ST8SIA1: variants seen among roughly 807,000 people sequenced by gnomAD.
ST8SIA1 encodes ST8 alpha-N-acetyl-neuraminide alpha-2,8-sialyltransferase 1.
ST8SIA1 carries 16 observed loss-of-function variants against 35.9 expected under a neutral mutation model. The ratio of observed to expected loss-of-function variants is 0.45; its 90% CI spans 0.30 to 0.68. The LOEUF is 0.68. Ranked by LOEUF, ST8SIA1 falls within the 30% of genes least tolerant of loss-of-function variation. The probability of loss-of-function intolerance (pLI) is 0.09; values close to 1 mark genes in which losing one functional copy is unlikely to be tolerated. For synonymous variants in ST8SIA1, 170 were observed against 169.6 expected, an observed-to-expected ratio of 1.00 and a Z score of -0.02; for missense variants, 383 against 453.6, an observed-to-expected ratio of 0.84 and a Z score of 1.41.
chr12:22,326,644 C>T (rs906221859), intron 1 of ST8SIA1, among the ~76,000 whole-genome samples: 10 of 152,172 alleles, frequency 6.6e-5, no homozygotes, highest in African/African-American at 2.2e-4. Flanking sequence ...AACAAACTTC[C>T]TATCATCCCA....
Position 22,334,649 on chromosome 12 carries a change from C to G in ST8SIA1, c.-417G>C, listed in dbSNP as rs1430378240. The G allele has an allele frequency of 5.5e-6, 1 of 180,302 alleles. No individual in the cohort carries two copies. Among genetic ancestry groups the G allele is most frequent in the Admixed American group, 5.8e-5 (1 of 17,312 alleles). 11.2% of individuals were successfully genotyped at this position (180,302 alleles called of 1,614,324 possible). ...GTGGCCCGTGGCGTCCCCTTGTCCC[C>G]TCCGAGCGATGCTCCTGCGCCCTTC... On this transcript the variant is annotated 5_prime_UTR_variant, in exon 1 of 5. Coordinates refer to ENST00000396037, the MANE Select transcript of ST8SIA1 (RefSeq NM_003034.4).
Position 22,249,112 on chromosome 12 carries a change from A to G in ST8SIA1, c.492-14T>C. ...GGGAGATTGCATCTAGAGAAACAAG[A>G]ACAAACATTTTGGAACAATTTGCAT... On this transcript the variant is annotated splice_polypyrimidine_tract_variant and intron_variant, in intron 3 of 4. Coordinates refer to ENST00000396037, the MANE Select transcript of ST8SIA1 (RefSeq NM_003034.4). The G allele has an allele frequency of 6.4e-7, 1 of 1,570,242 alleles. No individual in the cohort carries two copies. Among genetic ancestry groups the G allele is most frequent in the Non-Finnish European group, 8.8e-7 (1 of 1,141,052 alleles).
At chr12:22,258,186 A>T (rs778789672) in intron 2 of ST8SIA1, among the ~76,000 whole-genome samples, 1 of 152,172 alleles carries the variant, frequency 6.6e-6, no homozygotes, top group Non-Finnish European at 1.5e-5. Context: ...TGCCTTGAAC[A>T]ACTGTAGAGA....
At chr12:22,227,280 C>A (rs1865370196) in intron 4 of ST8SIA1, among the ~76,000 whole-genome samples, 1 of 151,550 alleles carries the variant, frequency 6.6e-6, no homozygotes, top group Admixed American at 6.6e-5. Context: ...TTCTGTGTTA[C>A]AAAATGTTTT....
chr12:22,232,157 A>T (rs1865428417), intron 4 of ST8SIA1, among the ~76,000 whole-genome samples: 1 of 152,202 alleles, frequency 6.6e-6, no homozygotes, highest in Non-Finnish European at 1.5e-5. Flanking sequence ...TCATGGTTTC[A>T]GCAACACAAA....
At chr12:22,295,058 A>C (rs1180890072) in intron 1 of ST8SIA1, among the ~76,000 whole-genome samples, 2 of 152,200 alleles carry the variant, frequency 1.3e-5, no homozygotes, top group Non-Finnish European at 2.9e-5. Flanking sequence ...ACTGAGGATA[A>C]GGCAGTGAAT....
chr12:22,215,720 T>A (rs1027146473), intron 4 of ST8SIA1, among the ~76,000 whole-genome samples: 1 of 152,220 alleles, frequency 6.6e-6, no homozygotes, highest in South Asian at 2.1e-4. Flanking sequence ...TAAAAACATA[T>A]ATTCTTCCCT....
intron 4 of ST8SIA1, among the ~76,000 whole-genome samples, chr12:22,241,976 A>G (rs987621716): frequency 2.6e-5 from 4 of 152,136 alleles, no homozygotes; most frequent in African/African-American, 9.7e-5. Flanking sequence ...CTCTTTTCCA[A>G]ATTCTATTTC....
intron 1 of ST8SIA1, among the ~76,000 whole-genome samples, chr12:22,321,133 G>T (rs189278344): frequency 3.3e-5 from 5 of 152,250 alleles, no homozygotes; most frequent in African/African-American, 1.2e-4. Context: ...ACCAGGCACT[G>T]CACTCCTGGA....
chr12:22,310,773 T>G (rs933080360), intron 1 of ST8SIA1, among the ~76,000 whole-genome samples: 6 of 152,122 alleles, frequency 3.9e-5, no homozygotes, highest in Admixed American at 2.0e-4. Context: ...TACATTCCTT[T>G]TCCCATAAAA....
At chr12:22,237,222 C>G (rs1363460047) in intron 4 of ST8SIA1, among the ~76,000 whole-genome samples, 2 of 152,100 alleles carry the variant, frequency 1.3e-5, no homozygotes, top group African/African-American at 2.4e-5. Flanking sequence ...TGTCAGCTTC[C>G]TAAGCAACTA....
chr12:22,202,933 G>T (rs1865065647), intron 4 of ST8SIA1, among the ~76,000 whole-genome samples: 1 of 152,146 alleles, frequency 6.6e-6, no homozygotes, highest in African/African-American at 2.4e-5. Context: ...TCCCTAGAAT[G>T]TAGGAGGTGC....
At chr12:22,258,819 G>A (rs1442519977) in intron 2 of ST8SIA1, among the ~76,000 whole-genome samples, 1 of 152,178 alleles carries the variant, frequency 6.6e-6, no homozygotes, top group Non-Finnish European at 1.5e-5. Context: ...GGCAATTCCA[G>A]GTTTTCTGTC....
At chr12:22,314,335 C>T (rs143973621) in intron 1 of ST8SIA1, among the ~76,000 whole-genome samples, 1,638 of 152,226 alleles carry the variant, frequency 0.011, 34 homozygotes, top group African/African-American at 0.038. Context: ...GCCAGTATGC[C>T]TCCTAACACA....
At chr12:22,265,897 A>C (rs887702287) in intron 2 of ST8SIA1, among the ~76,000 whole-genome samples, 2 of 152,120 alleles carry the variant, frequency 1.3e-5, no homozygotes, top group African/African-American at 4.8e-5. Flanking sequence ...TAATAAAAAA[A>C]AAAGTACCAT....
intron 2 of ST8SIA1, among the ~76,000 whole-genome samples, chr12:22,280,826 T>C (rs1399406879): frequency 6.6e-6 from 1 of 152,230 alleles, no homozygotes; most frequent in Non-Finnish European, 1.5e-5. Context: ...TCTTCTCAGT[T>C]ACACAGCAAT....
chr12:22,285,877 C>CAAAAAAAAACAAAAAAAAAAA (rs60441064), intron 2 of ST8SIA1, among the ~76,000 whole-genome samples: 2 of 103,644 alleles, frequency 1.9e-5, no homozygotes, highest in African/African-American at 7.4e-5. Context: ...CTGTCAAAAA[C>CAAAAAAAAACAAAAAAAAAAA]AAAAAAAAAA....
At chr12:22,314,663 T>A (rs1866495046) in intron 1 of ST8SIA1, among the ~76,000 whole-genome samples, 1 of 152,174 alleles carries the variant, frequency 6.6e-6, no homozygotes, top group African/African-American at 2.4e-5. Flanking sequence ...TACAAAATCA[T>A]TTCCTTATTC....
At chr12:22,271,936 A>G (rs1459192518) in intron 2 of ST8SIA1, among the ~76,000 whole-genome samples, 2 of 152,318 alleles carry the variant, frequency 1.3e-5, no homozygotes, top group East Asian at 3.9e-4. Context: ...GACATAATCT[A>G]TGACATTTTA....
Sources: gnomAD v4.1 joint callset for allele counts (sites outside exome capture counted in the v4.1 genomes callset) on GRCh38, gnomAD v4.1.1 for gene constraint, MANE v1.5 for transcripts, NCBI Gene and HGNC (gene_info 2026-07-23, HGNC 2026-07-21) for gene names.